ANKS1B: variants seen among roughly 807,000 people sequenced by gnomAD.
ANKS1B encodes the protein ankyrin repeat and sterile alpha motif domain containing 1B, also known as ankyrin repeat and sterile alpha motif domain-containing protein 1B.
A neutral mutation model predicts 148.3 loss-of-function variants in ANKS1B; 36 were observed. The ratio of observed to expected loss-of-function variants is 0.24; its 90% CI spans 0.19 to 0.32. ANKS1B has a LOEUF of 0.32. ANKS1B is among the 10% of genes least tolerant of loss of function. The pLI is 1.00. For missense variants in ANKS1B, 1,157 were observed against 1,542.6 expected (o/e 0.75, Z 4.19); for synonymous variants, 542 against 560.8 (o/e 0.97, Z 0.47).
At chr12:99,792,101 T>C (rs1018665529) in intron 4 of ANKS1B, among the ~76,000 whole-genome samples, 8 of 151,638 alleles carry the variant, frequency 5.3e-5, no homozygotes, top group Non-Finnish European at 1.2e-4. Context: ...GGATCATGAG[T>C]GGCTGATATG....
At chr12:99,287,176 C>T (rs2079249141) in intron 12 of ANKS1B, among the ~76,000 whole-genome samples, 1 of 152,148 alleles carries the variant, frequency 6.6e-6, no homozygotes, top group Non-Finnish European at 1.5e-5. Context: ...GTGTCACCCC[C>T]TCTGACAGCT....
At position 99,685,146 on chromosome 12, in the gene ANKS1B, G is replaced by A. The variant is rs145370453; in HGVS notation, c.1129-29936C>T. ...GCAGAGTAAACAGACAACCCACAGA[G>A]TGGGAGAAAATCATCACAAACTATG... is the stretch of plus-strand genomic sequence containing the variant. On this transcript the variant is annotated intron_variant, in intron 8 of 26. Coordinates refer to ENST00000683438, the MANE Select transcript of ANKS1B (RefSeq NM_001352186.2). 5.1e-3 allele frequency among the ~76,000 whole-genome samples: 773 copies of A among 152,168 alleles called. 9 individuals are homozygous for A. The highest frequency in any genetic ancestry group is 0.017 in the African/African-American group (696 of 41,542).
chr12:98,949,875 A>C (rs2099851451), intron 17 of ANKS1B: 2 of 152,194 alleles, frequency 1.3e-5, no homozygotes, highest in African/African-American at 4.8e-5. Context: ...GCAGGAGGGC[A>C]TCCAATAGGA....
intron 3 of ANKS1B, among the ~76,000 whole-genome samples, chr12:99,807,976 A>G (rs2067854107): frequency 6.6e-6 from 1 of 152,188 alleles, no homozygotes; most frequent in South Asian, 2.1e-4. Context: ...AAACTAAAAT[A>G]CAAAAAGGTT....
chr12:99,809,164 A>G (rs990363738), intron 3 of ANKS1B, among the ~76,000 whole-genome samples: 1 of 152,106 alleles, frequency 6.6e-6, no homozygotes, highest in Admixed American at 6.6e-5. Flanking sequence ...AAGTTTTTTA[A>G]TTCCTTCTTT....
At chr12:99,873,947 T>G (rs1233182991) in intron 1 of ANKS1B, among the ~76,000 whole-genome samples, 3 of 151,714 alleles carry the variant, frequency 2.0e-5, no homozygotes, top group African/African-American at 4.9e-5. Flanking sequence ...TCTGCAGATT[T>G]TGGACTTGCC....
At chr12:99,682,636 T>C (rs2098628068) in intron 8 of ANKS1B, among the ~76,000 whole-genome samples, 1 of 152,174 alleles carries the variant, frequency 6.6e-6, no homozygotes, top group Non-Finnish European at 1.5e-5. Flanking sequence ...TAGCATTAAA[T>C]GCCTACATCA....
intron 17 of ANKS1B, among the ~76,000 whole-genome samples, chr12:98,987,004 T>C (rs1307140126): frequency 6.6e-6 from 1 of 152,146 alleles, no homozygotes; most frequent in African/African-American, 2.4e-5. Flanking sequence ...ATTTTTTTGA[T>C]GTTTTTATCC....
intron 8 of ANKS1B, among the ~76,000 whole-genome samples, chr12:99,759,013 T>C (rs2061833341): frequency 6.6e-6 from 1 of 151,912 alleles, no homozygotes; most frequent in Admixed American, 6.6e-5. Context: ...CAGGCAATTT[T>C]CACTTTAATG....
chr12:99,519,181 G>A (rs1479419714), intron 9 of ANKS1B, among the ~76,000 whole-genome samples: 7 of 152,132 alleles, frequency 4.6e-5, no homozygotes. Context: ...CTAAGGAACA[G>A]AATGTGTATT....
At chr12:99,953,067 A>G (rs147624512) in intron 1 of ANKS1B, among the ~76,000 whole-genome samples, 1 of 152,194 alleles carries the variant, frequency 6.6e-6, no homozygotes, top group Non-Finnish European at 1.5e-5. Flanking sequence ...AGAATTAGAG[A>G]TGTAAATTGG....
At chr12:99,023,391 T>C (rs980026056) in intron 17 of ANKS1B, among the ~76,000 whole-genome samples, 1 of 152,166 alleles carries the variant, frequency 6.6e-6, no homozygotes, top group African/African-American at 2.4e-5. Flanking sequence ...GAATTTTAGA[T>C]AGCTGGGTAT....
intron 9 of ANKS1B, among the ~76,000 whole-genome samples, chr12:99,577,320 T>G (rs1174390057): frequency 6.9e-6 from 1 of 145,962 alleles, no homozygotes; most frequent in African/African-American, 2.6e-5. Flanking sequence ...AATAAATAAA[T>G]AAATAAATAA....
At chr12:99,744,299 A>G (rs1201298368) in intron 8 of ANKS1B, among the ~76,000 whole-genome samples, 1 of 152,246 alleles carries the variant, frequency 6.6e-6, no homozygotes, top group African/African-American at 2.4e-5. Flanking sequence ...ATATTTTTCA[A>G]TATACACTAA....
chr12:99,150,956 C>T (rs1038432578), intron 15 of ANKS1B, among the ~76,000 whole-genome samples: 41 of 152,056 alleles, frequency 2.7e-4, no homozygotes, highest in African/African-American at 8.7e-4. Context: ...CTGGTTTTAA[C>T]ATAGATGTGA....
intron 12 of ANKS1B, among the ~76,000 whole-genome samples, chr12:99,251,083 C>G (rs555532693): frequency 6.6e-6 from 1 of 152,120 alleles, no homozygotes; most frequent in Admixed American, 6.5e-5. Context: ...AGGTCTCTGT[C>G]CTCATGACTT....
intron 9 of ANKS1B, among the ~76,000 whole-genome samples, chr12:99,576,294 A>G (rs1397582853): frequency 6.6e-6 from 1 of 152,104 alleles, no homozygotes; most frequent in Non-Finnish European, 1.5e-5. Flanking sequence ...ACCACACAAT[A>G]ATAGTGGAAG....
intron 9 of ANKS1B, among the ~76,000 whole-genome samples, chr12:99,547,277 A>AC (rs1207396091): frequency 6.6e-6 from 1 of 152,188 alleles, no homozygotes; most frequent in African/African-American, 2.4e-5. Flanking sequence ...TTAGGAGATA[A>AC]CATGTGGGAA....
intron 1 of ANKS1B, among the ~76,000 whole-genome samples, chr12:99,908,060 T>C (rs2093857439): frequency 6.6e-6 from 1 of 152,098 alleles, no homozygotes; most frequent in Non-Finnish European, 1.5e-5. Flanking sequence ...AGTGGGAACA[T>C]AGCAAATAGA....
Sources: allele counts gnomAD v4.1 joint callset (sites outside exome capture counted in the v4.1 genomes callset), GRCh38; gene constraint gnomAD v4.1.1; transcripts MANE v1.5; gene names NCBI Gene and HGNC (gene_info 2026-07-23, HGNC 2026-07-21).